LRFN5: variants seen among roughly 807,000 people sequenced by gnomAD.
LRFN5 encodes leucine-rich repeat and fibronectin type-III domain-containing protein 5.
A neutral mutation model predicts 45.6 loss-of-function variants in LRFN5; 24 were observed. The ratio of observed to expected loss-of-function variants is 0.53; its 90% CI spans 0.38 to 0.74. LRFN5 has a LOEUF of 0.74. Ranked by LOEUF, LRFN5 falls within the 30% of genes least tolerant of loss-of-function variation. The pLI, the probability that LRFN5 is intolerant of heterozygous loss-of-function variation, is 0.00. For synonymous variants in LRFN5, 340 were observed against 313.8 expected, an observed-to-expected ratio of 1.08 and a Z score of -0.88; for missense variants, 776 against 861.5, an observed-to-expected ratio of 0.90 and a Z score of 1.24.
intron 1 of LRFN5, among the ~76,000 whole-genome samples, chr14:41,717,635 G>C (rs1301670526): frequency 1.3e-5 from 2 of 152,116 alleles, no homozygotes; most frequent in Non-Finnish European, 2.9e-5. Context: ...AGCTAAAGTT[G>C]GGTATTCTGT....
intron 2 of LRFN5, among the ~76,000 whole-genome samples, chr14:41,807,419 G>A (rs1887562234): frequency 1.3e-5 from 2 of 152,078 alleles, no homozygotes; most frequent in African/African-American, 2.4e-5. Context: ...CTATATTTAT[G>A]TGTAATACAC....
chr14:41,668,416 T>C (rs369678076), intron 1 of LRFN5, among the ~76,000 whole-genome samples: 78 of 152,292 alleles, frequency 5.1e-4, no homozygotes, highest in African/African-American at 1.6e-3. Flanking sequence ...CTCCCTACTT[T>C]ATAACCTTGG....
At position 41,619,075 on chromosome 14, in the gene LRFN5, A is replaced by C. The variant is rs1015585955; in HGVS notation, c.-197+10513A>C. ...TAATTTCACCTAAAACCCAAGGGAA[A>C]ATTTGGCTTTTTTTTCCTCCAAGTG... On this transcript the variant is annotated intron_variant, in intron 1 of 5. Coordinates refer to ENST00000298119, the MANE Select transcript of LRFN5 (RefSeq NM_152447.5). 2.6e-5 allele frequency among the ~76,000 whole-genome samples: 4 copies of C among 151,964 alleles called. No individual in the cohort carries two copies. In the East Asian group the frequency reaches 7.7e-4, roughly 29 times the overall value.
At chr14:41,892,346 G>A (rs1008140498) in intron 4 of LRFN5, 1 of 982,758 alleles carries the variant, frequency 1.0e-6, no homozygotes, top group South Asian at 4.7e-5. Flanking sequence ...TATGTATACT[G>A]GAAGGAAACA....
intron 1 of LRFN5, among the ~76,000 whole-genome samples, chr14:41,698,917 A>C (rs1181830589): frequency 6.6e-6 from 1 of 152,028 alleles, no homozygotes; most frequent in Non-Finnish European, 1.5e-5. Context: ...AACTGTTCAG[A>C]AATTGAGTGA....
intron 2 of LRFN5, among the ~76,000 whole-genome samples, chr14:41,812,985 A>G (rs926099757): frequency 6.6e-6 from 1 of 152,176 alleles, no homozygotes; most frequent in Non-Finnish European, 1.5e-5. Flanking sequence ...TAAGTAAAAG[A>G]TGCTAACTGC....
chr14:41,652,424 C>A (rs1424993608), intron 1 of LRFN5, among the ~76,000 whole-genome samples: 1 of 151,880 alleles, frequency 6.6e-6, no homozygotes, highest in African/African-American at 2.4e-5. Flanking sequence ...CATTACTTAA[C>A]GTAACAATAA....
intron 5 of LRFN5, among the ~76,000 whole-genome samples, chr14:41,901,655 A>G (rs977725140): frequency 1.3e-5 from 2 of 152,130 alleles, no homozygotes; most frequent in Non-Finnish European, 2.9e-5. Flanking sequence ...ATACAAATTA[A>G]AAGCTAATAT....
chr14:41,837,715 G>T (rs1292078790), intron 2 of LRFN5, among the ~76,000 whole-genome samples: 1 of 151,978 alleles, frequency 6.6e-6, no homozygotes, highest in Non-Finnish European at 1.5e-5. Context: ...TTTCCTGCAT[G>T]TGCAAGCTCT....
intron 2 of LRFN5, among the ~76,000 whole-genome samples, chr14:41,785,500 ACTATACTATAT>A (rs1886686243): frequency 6.6e-6 from 1 of 152,046 alleles, no homozygotes; most frequent in Non-Finnish European, 1.5e-5. Flanking sequence ...TTTAAATGAT[ACTATACTATAT>A]CACATATGGC....
Position 41,725,967 on chromosome 14 carries a change from T to G in LRFN5, c.-196-40887T>G, listed in dbSNP as rs867643274. Reference sequence around the variant, plus strand: ...TATCTCCTAAACAGGAAATTATGATTCATTTGGTTTAAATTTCTCATCAGT... The same window carrying G: ...TATCTCCTAAACAGGAAATTATGATGCATTTGGTTTAAATTTCTCATCAGT... On this transcript the variant is annotated intron_variant, in intron 1 of 5. Transcript: ENST00000298119. 3.3e-5 allele frequency among the ~76,000 whole-genome samples: 5 copies of G among 152,300 alleles called. No homozygotes were observed. In the South Asian group the frequency reaches 1.0e-3, roughly 32 times the overall value.
At chr14:41,611,853 C>T (rs1237774683) in intron 1 of LRFN5, among the ~76,000 whole-genome samples, 1 of 152,158 alleles carries the variant, frequency 6.6e-6, no homozygotes, top group Non-Finnish European at 1.5e-5. Context: ...TCTCAAGAGG[C>T]GATGGCAAGA....
intron 1 of LRFN5, among the ~76,000 whole-genome samples, chr14:41,730,569 A>G (rs73309194): frequency 0.045 from 6,809 of 151,996 alleles, 337 homozygotes; most frequent in African/African-American, 0.12. Flanking sequence ...ATGTTTAGAA[A>G]TAGTTATAAA....
At chr14:41,795,781 TG>T (rs1322196692) in intron 2 of LRFN5, among the ~76,000 whole-genome samples, 2 of 150,658 alleles carry the variant, frequency 1.3e-5, no homozygotes, top group East Asian at 2.0e-4. Flanking sequence ...TGTCGTAGGT[TG>T]GGGGGAGGGG....
chr14:41,688,691 CAAA>C (rs61511909), intron 1 of LRFN5, among the ~76,000 whole-genome samples: 1 of 150,110 alleles, frequency 6.7e-6, no homozygotes, highest in African/African-American at 2.4e-5. Flanking sequence ...CAAAACAAAA[CAAA>C]AAAAACCATG....
chr14:41,795,939 G>A (rs924074550), intron 2 of LRFN5, among the ~76,000 whole-genome samples: 9 of 150,920 alleles, frequency 6.0e-5, no homozygotes, highest in South Asian at 2.1e-4. Context: ...AAAAAGTTCC[G>A]GCTAAACACT....
intron 1 of LRFN5, among the ~76,000 whole-genome samples, chr14:41,750,236 G>C (rs2138840866): frequency 6.7e-6 from 1 of 148,850 alleles, no homozygotes; most frequent in South Asian, 2.1e-4. Context: ...TCATGGCTTA[G>C]TTGGAATTTC....
chr14:41,693,514 G>T (rs748058342), intron 1 of LRFN5, among the ~76,000 whole-genome samples: 31 of 151,886 alleles, frequency 2.0e-4, no homozygotes, highest in Admixed American at 3.9e-4. Flanking sequence ...TTTGAATGTG[G>T]TGGTTTTGTA....
intron 2 of LRFN5, among the ~76,000 whole-genome samples, chr14:41,844,071 G>C (rs1260629516): frequency 6.6e-6 from 1 of 152,148 alleles, no homozygotes; most frequent in Non-Finnish European, 1.5e-5. Context: ...ACAATTTTTG[G>C]TTATGCTAAT....
Sources: allele counts gnomAD v4.1 joint callset (sites outside exome capture counted in the v4.1 genomes callset), GRCh38; gene constraint gnomAD v4.1.1; transcripts MANE v1.5; gene names NCBI Gene and HGNC (gene_info 2026-07-23, HGNC 2026-07-21).